The following PDE11A variants were observed in gnomAD, a reference collection of about 807,000 sequenced individuals.
The protein encoded by PDE11A is phosphodiesterase 11A, also known as dual 3',5'-cyclic-AMP and -GMP phosphodiesterase 11A.
A neutral mutation model predicts 100.5 loss-of-function variants in PDE11A; 100 were observed. The observed-to-expected ratio is 1.00, with a 90% confidence interval of 0.85 to 1.18. The LOEUF (loss-of-function observed/expected upper bound fraction) is 1.18, where lower values mean the gene tolerates loss of function less well. PDE11A is among the 50% of genes most tolerant of loss of function. The pLI is 0.00. For synonymous variants in PDE11A, 381 were observed against 420.8 expected (o/e 0.91, Z 1.16); for missense variants, 1,141 against 1,152.6 (o/e 0.99, Z 0.15).
intron 10 of PDE11A, among the ~76,000 whole-genome samples, chr2:177,766,089 C>T (rs1462024517): frequency 2.0e-5 from 3 of 152,106 alleles, no homozygotes; most frequent in African/African-American, 7.2e-5. Context: ...TCAGTGGTCT[C>T]CATGCTTTTT....
chr2:177,674,743 T>C (rs2080741839), intron 17 of PDE11A, among the ~76,000 whole-genome samples: 1 of 152,222 alleles, frequency 6.6e-6, no homozygotes, highest in Admixed American at 6.5e-5. Flanking sequence ...AGTCAATAAA[T>C]ATTAGTTATT....
At chr2:177,763,286 A>C (rs1185864631) in intron 10 of PDE11A, among the ~76,000 whole-genome samples, 1 of 152,240 alleles carries the variant, frequency 6.6e-6, no homozygotes, top group Non-Finnish European at 1.5e-5. Flanking sequence ...TTAAAGTCAA[A>C]ACAACTTCCT....
chr2:177,928,517 C>CAG (rs144037679), intron 2 of PDE11A, among the ~76,000 whole-genome samples: 146,607 of 150,746 alleles, frequency 0.97, 71,389 homozygotes, highest in Middle Eastern at 1. Context: ...GAAAGAGAGA[C>CAG]AGAGAGAGAG....
intron 10 of PDE11A, among the ~76,000 whole-genome samples, chr2:177,731,527 T>A (rs2081689878): frequency 2.0e-5 from 3 of 152,188 alleles, no homozygotes; most frequent in African/African-American, 7.2e-5. Context: ...TCAGTCCTCC[T>A]GCTTTCACCC....
intron 15 of PDE11A, chr2:177,687,473 G>A (rs780666976): frequency 1.3e-5 from 2 of 152,108 alleles, no homozygotes. Context: ...CAATGCTTGC[G>A]AGAGTTACCC....
chr2:178,095,385 C>G (rs1435760233), intron 2 of PDE11A, among the ~76,000 whole-genome samples: 5 of 152,234 alleles, frequency 3.3e-5, no homozygotes, highest in Non-Finnish European at 7.3e-5. Flanking sequence ...CCTTTGACTT[C>G]ATGTCTCACA....
At chr2:177,890,896 T>A (rs1490780695) in intron 4 of PDE11A, among the ~76,000 whole-genome samples, 1 of 152,230 alleles carries the variant, frequency 6.6e-6, no homozygotes, top group African/African-American at 2.4e-5. Context: ...TTTTTATATA[T>A]GTTGTTTCTC....
At chr2:177,757,017 T>C (rs913252923) in intron 10 of PDE11A, among the ~76,000 whole-genome samples, 1 of 152,188 alleles carries the variant, frequency 6.6e-6, no homozygotes, top group African/African-American at 2.4e-5. Context: ...TTCCATGACA[T>C]TTCAAAAAGG....
At chr2:177,630,654 T>C (rs1462885742) in intron 19 of PDE11A, among the ~76,000 whole-genome samples, 1 of 152,228 alleles carries the variant, frequency 6.6e-6, no homozygotes, top group Admixed American at 6.5e-5. Flanking sequence ...TTTCTTTCTT[T>C]TAAATGCATG....
In PDE11A at chr2:177,754,337, G is replaced by A. The variant is rs553745214; in HGVS notation, c.1788+14986C>T. Among the ~76,000 whole-genome samples the A allele has an allele frequency of 1.4e-4, 22 of 152,068 alleles. No homozygotes were observed. The South Asian group carries it at 3.9e-3, about 27-fold the overall frequency. On this transcript the variant is annotated intron_variant, in intron 10 of 19. Transcript: ENST00000286063. ...GAAGAACATTGCAGAAAATACTGCA[G>A]ACAAAAAAAATGCAAAAACAAAAAA...
chr2:177,683,335 C>A (rs1343588135), intron 15 of PDE11A: 1 of 152,270 alleles, frequency 6.6e-6, no homozygotes, highest in Non-Finnish European at 1.5e-5. Flanking sequence ...ACAGAAGGGC[C>A]CAGGAACTCC....
rs748839068 is a variant in PDE11A at position 177,957,910 on chromosome 2, C to CTTTTTTTTTTTTTTTT, written c.1072-52724_1072-52723insAAAAAAAAAAAAAAAA. Among the ~76,000 whole-genome samples, 102 of 114,456 alleles carry CTTTTTTTTTTTTTTTT rather than the reference C, an allele frequency of 8.9e-4. 21 individuals carry two copies. Among genetic ancestry groups the CTTTTTTTTTTTTTTTT allele is most frequent in the African/African-American group, 2.2e-3 (54 of 24,690 alleles). 75.1% of individuals were successfully genotyped at this position (114,456 alleles called of 152,430 possible). A position where few individuals can be genotyped will look rare whatever the true frequency, so the allele number is the denominator to read the frequency against. On this transcript the variant is annotated intron_variant, in intron 2 of 19. Transcript: ENST00000286063. ...TCCTTTACCTTTGTTTTTCCAATGC[C>CTTTTTTTTTTTTTTTT]TTTTTTTTGAGACGGAGTCTCTTGC...
intron 2 of PDE11A, among the ~76,000 whole-genome samples, chr2:177,927,875 T>C (rs1023409451): frequency 6.6e-6 from 1 of 152,072 alleles, no homozygotes; most frequent in African/African-American, 2.4e-5. Context: ...GAGGCCGAGA[T>C]GGGCAGATCA....
intron 9 of PDE11A, among the ~76,000 whole-genome samples, chr2:177,782,636 C>A (rs1039642366): frequency 6.6e-6 from 1 of 152,180 alleles, no homozygotes; most frequent in Admixed American, 6.5e-5. Context: ...ATAATCATCA[C>A]ACTAAATGTG....
chr2:177,941,141 T>C (rs1423275478), intron 2 of PDE11A, among the ~76,000 whole-genome samples: 2 of 152,202 alleles, frequency 1.3e-5, no homozygotes, highest in Non-Finnish European at 2.9e-5. Context: ...GTGTTTTGAA[T>C]AGAGTATCTC....
intron 8 of PDE11A, among the ~76,000 whole-genome samples, chr2:177,817,412 T>G (rs1010254107): frequency 6.6e-6 from 1 of 152,154 alleles, no homozygotes; most frequent in African/African-American, 2.4e-5. Flanking sequence ...ACCATGGGTT[T>G]TCATGTTGGC....
intron 14 of PDE11A, among the ~76,000 whole-genome samples, chr2:177,699,859 T>C (rs898116052): frequency 2.4e-4 from 36 of 152,226 alleles, no homozygotes; most frequent in Admixed American, 2.4e-3. Context: ...ACGGCCAATG[T>C]GTTTTGTTTG....
At chr2:177,928,809 G>A (rs2085166747) in intron 2 of PDE11A, among the ~76,000 whole-genome samples, 1 of 151,982 alleles carries the variant, frequency 6.6e-6, no homozygotes, top group Non-Finnish European at 1.5e-5. Flanking sequence ...GTTGCAGTCA[G>A]CCATGATTGT....
At chr2:177,720,781 T>C (rs1259352296) in intron 12 of PDE11A, among the ~76,000 whole-genome samples, 2 of 152,218 alleles carry the variant, frequency 1.3e-5, no homozygotes, top group African/African-American at 4.8e-5. Context: ...TAACTATTGA[T>C]TTAGGCCTAA....
Sources: allele counts gnomAD v4.1 joint callset (sites outside exome capture counted in the v4.1 genomes callset), GRCh38; gene constraint gnomAD v4.1.1; transcripts MANE v1.5; gene names NCBI Gene and HGNC (gene_info 2026-07-23, HGNC 2026-07-21).